ZNF541: variants seen among roughly 807,000 people sequenced by gnomAD.
ZNF541 encodes the protein zinc finger protein 541.
ZNF541 carries 23 observed loss-of-function variants against 123.5 expected under a neutral mutation model. That is an observed-to-expected ratio of 0.19 (90% confidence interval 0.13 to 0.26). The LOEUF (loss-of-function observed/expected upper bound fraction) is 0.26, where lower values mean the gene tolerates loss of function less well. Ranked by LOEUF, ZNF541 falls within the 10% of genes least tolerant of loss-of-function variation. The pLI is 1.00. For missense variants in ZNF541, 1,612 were observed against 1,789.9 expected (o/e 0.90, Z 1.79); for synonymous variants, 751 against 754.5 (o/e 1.00, Z 0.08).
At chr19:47,533,816 A>G (rs1194767422) in intron 9 of ZNF541, among the ~76,000 whole-genome samples, 1 of 152,214 alleles carries the variant, frequency 6.6e-6, no homozygotes, top group Non-Finnish European at 1.5e-5. Context: ...CCTGGGCAAC[A>G]GAGTGAGATT....
intron 2 of ZNF541, among the ~76,000 whole-genome samples, chr19:47,560,628 CAT>C (rs1971023591): frequency 1.3e-5 from 2 of 148,160 alleles, no homozygotes; most frequent in Non-Finnish European, 1.5e-5. Flanking sequence ...TAAAGCTACA[CAT>C]AGTTTTTTTC....
At chr19:47,570,978 C>G (rs922278668) in intron 2 of ZNF541, among the ~76,000 whole-genome samples, 4 of 151,466 alleles carry the variant, frequency 2.6e-5, no homozygotes, top group Non-Finnish European at 5.9e-5. Context: ...AGTTTGAGAA[C>G]TACTATTCCA....
At chr19:47,550,834 T>C (rs1302846434) in intron 3 of ZNF541, among the ~76,000 whole-genome samples, 1 of 152,076 alleles carries the variant, frequency 6.6e-6, no homozygotes, top group Non-Finnish European at 1.5e-5. Flanking sequence ...TTATTTGTTG[T>C]AGAGCTAGGC....
chr19:47,563,613 T>C (rs1971150252), intron 2 of ZNF541, among the ~76,000 whole-genome samples: 1 of 152,118 alleles, frequency 6.6e-6, no homozygotes. Context: ...AAAAATCACA[T>C]ATATATTTTT....
chr19:47,528,311 G>A (rs1216411598), intron 14 of ZNF541, among the ~76,000 whole-genome samples: 6 of 115,744 alleles, frequency 5.2e-5, no homozygotes, highest in Admixed American at 1.9e-4. Flanking sequence ...GCAAAACTCC[G>A]TCTCAAAAAA....
At chr19:47,538,119 G>A (rs1200962361) in intron 9 of ZNF541, 23 bp downstream of exon 9, 2 of 1,549,440 alleles carry the variant, frequency 1.3e-6, no homozygotes, top group Admixed American at 3.9e-5. Context: ...GGATCACAGA[G>A]TGAGTGCCCC....
chr19:47,564,575 G>A (rs1034886881), intron 2 of ZNF541, among the ~76,000 whole-genome samples: 1 of 152,122 alleles, frequency 6.6e-6, no homozygotes, highest in South Asian at 2.1e-4. Context: ...CATCACTAAC[G>A]ATCAGGGAAA....
At chr19:47,564,191 CA>C (rs11301568) in intron 2 of ZNF541, among the ~76,000 whole-genome samples, 6,555 of 152,202 alleles carry the variant, frequency 0.043, 458 homozygotes, top group African/African-American at 0.15. Flanking sequence ...GGTGCTGGGT[CA>C]GGGGGAAGAA....
intron 4 of ZNF541, among the ~76,000 whole-genome samples, 187 bp from the exon 5 acceptor site, chr19:47,546,167 C>T (rs1263974970): frequency 6.6e-6 from 1 of 151,086 alleles, no homozygotes; most frequent in Non-Finnish European, 1.5e-5. Flanking sequence ...CAGGGGAGTT[C>T]CTCTCCCCTC....
At chr19:47,539,908 T>TA in intron 7 of ZNF541, 30 bp from the exon 8 acceptor site, 3 of 1,516,992 alleles carry the variant, frequency 2.0e-6, no homozygotes, top group Non-Finnish European at 2.6e-6. Context: ...GATGGCTCTT[T>TA]AAGAGATAAG....
intron 2 of ZNF541, among the ~76,000 whole-genome samples, chr19:47,561,526 G>GT (rs1473017363): frequency 6.6e-6 from 1 of 151,948 alleles, no homozygotes; most frequent in Non-Finnish European, 1.5e-5. Flanking sequence ...AATTTAGAAG[G>GT]TGGCATCTCA....
At chr19:47,549,579 G>T (rs1353505672) in intron 3 of ZNF541, 94 bp from the exon 4 acceptor site, 1 of 1,499,512 alleles carries the variant, frequency 6.7e-7, no homozygotes, top group Non-Finnish European at 8.9e-7. Flanking sequence ...AACCATGGTG[G>T]CCTTGTAAGT....
chr19:47,549,399 G>C lies in ZNF541; in HGVS notation c.394C>G (p.His132Asp). 6 of 1,551,694 alleles carry C rather than the reference G, an allele frequency of 3.9e-6. No homozygotes were observed. Among genetic ancestry groups the C allele is most frequent in the Non-Finnish European group, 5.2e-6 (6 of 1,147,008 alleles). ...AGAAGTGGGTTTTGAGGGGAACTGT[G>C]CTGCCGCTTTCCTTTCCTGGCACTC... ...SGSARKGKRQ[H>D]SSPQNPLLDC... The change falls in exon 4 of 17, where the codon CAC (histidine) becomes GAC (aspartate). Residue 132 changes from histidine (H) to aspartate (D), a missense_variant. Transcript: ENST00000391901.
At chr19:47,561,815 C>A (rs1054438822) in intron 2 of ZNF541, among the ~76,000 whole-genome samples, 1 of 152,020 alleles carries the variant, frequency 6.6e-6, no homozygotes, top group Admixed American at 6.6e-5. Context: ...CCACAAAGAA[C>A]ACAATCTTTA....
At chr19:47,523,840 G>A (rs1969162171) in intron 14 of ZNF541, among the ~76,000 whole-genome samples, 1 of 152,202 alleles carries the variant, frequency 6.6e-6, no homozygotes, top group Non-Finnish European at 1.5e-5. Context: ...CAGAGGATGG[G>A]AGAGGAGAGA....
chr19:47,526,769 T>G (rs1480571098), intron 14 of ZNF541, among the ~76,000 whole-genome samples: 1 of 152,198 alleles, frequency 6.6e-6, no homozygotes, highest in Non-Finnish European at 1.5e-5. Context: ...TTTGGAAAAT[T>G]GTTTGGCGGT....
intron 12 of ZNF541, among the ~76,000 whole-genome samples, chr19:47,530,427 A>AC (rs1303746683): frequency 5.4e-4 from 77 of 141,868 alleles, no homozygotes; most frequent in Non-Finnish European, 9.5e-4. Context: ...CAGGTGATCC[A>AC]CCCCCGCCTT....
In ZNF541 at chr19:47,529,659, C is replaced by G; in HGVS notation, c.3406-7G>C. 6.4e-7 allele frequency: 1 copy of G among 1,551,424 alleles called. No homozygotes were observed. The highest frequency in any genetic ancestry group is 8.7e-7 in the Non-Finnish European group (1 of 1,146,858). On this transcript the variant is annotated splice_region_variant and splice_polypyrimidine_tract_variant and intron_variant, in intron 12 of 16. Transcript: ENST00000391901. ...GAAGAGTCTCCAGGGCGACCTGGAACAAGAGGAGCGACAGGCTGCCCAGGA... is the reference window on the plus strand; with the variant it reads ...GAAGAGTCTCCAGGGCGACCTGGAAGAAGAGGAGCGACAGGCTGCCCAGGA...
upstream of ZNF541, among the ~76,000 whole-genome samples, chr19:47,573,229 G>T (rs1443844164): frequency 1.3e-5 from 2 of 151,160 alleles, no homozygotes; most frequent in Admixed American, 1.3e-4. Flanking sequence ...GCAGGCGCGC[G>T]TACGTGACCG....
Sources: gnomAD v4.1 joint callset for allele counts (sites outside exome capture counted in the v4.1 genomes callset) on GRCh38, gnomAD v4.1.1 for gene constraint, MANE v1.5 for transcripts, NCBI Gene and HGNC (gene_info 2026-07-23, HGNC 2026-07-21) for gene names.